The following RABGGTB variants were observed in gnomAD, a reference collection of about 807,000 sequenced individuals.
RABGGTB encodes the protein geranylgeranyl transferase type-2 subunit beta.
Under a neutral mutation model 44.5 loss-of-function variants are expected in RABGGTB, and 20 were observed. The ratio of observed to expected loss-of-function variants is 0.45; its 90% CI spans 0.32 to 0.65. The LOEUF (loss-of-function observed/expected upper bound fraction) is 0.65, where lower values mean the gene tolerates loss of function less well. Ranked by LOEUF, RABGGTB falls within the 30% of genes least tolerant of loss-of-function variation. RABGGTB has a pLI of 0.05. For missense variants in RABGGTB, 302 were observed against 398.7 expected (o/e 0.76, Z 2.06); for synonymous variants, 128 against 136.7 (o/e 0.94, Z 0.44).
chr1:75,793,965 A>C, intron 7 of RABGGTB, 119 bp from the exon 8 acceptor site: 2 of 1,066,586 alleles, frequency 1.9e-6, no homozygotes, highest in Non-Finnish European at 2.6e-6. Flanking sequence ...GTCCTTCCAC[A>C]TGGTTTGACA....
chr1:75,787,112 A>T (rs772125704), intron 1 of RABGGTB: 1 of 533,684 alleles, frequency 1.9e-6, no homozygotes, highest in Non-Finnish European at 3.7e-6. Flanking sequence ...TCTAAAGTTG[A>T]TTATTACTAC....
intron 1 of RABGGTB, chr1:75,787,177 G>A: frequency 1.7e-6 from 1 of 582,018 alleles, no homozygotes; most frequent in South Asian, 1.4e-5. Flanking sequence ...TGACTAAGAC[G>A]AAGCCTGAAT....
At chr1:75,793,858 A>G (rs368328140) in intron 7 of RABGGTB, 4 of 423,368 alleles carry the variant, frequency 9.4e-6, no homozygotes, top group East Asian at 7.2e-5. Flanking sequence ...ATGGTTACCT[A>G]TGAATTGAAG....
At chr1:75,790,257 G>A (rs1202020128) in intron 4 of RABGGTB, 200 bp downstream of exon 4, 2 of 1,256,756 alleles carry the variant, frequency 1.6e-6, no homozygotes, top group African/African-American at 3.1e-5. Context: ...AACAGAGGGG[G>A]CCAGTCTAAA....
chr1:75,794,295 C>T, intron 8 of RABGGTB, 62 bp downstream of exon 8: 1 of 1,518,858 alleles, frequency 6.6e-7, no homozygotes, highest in South Asian at 1.3e-5. Flanking sequence ...CTTCATGGTT[C>T]CATGGATTTC....
chr1:75,786,983 G>C, intron 1 of RABGGTB: 1 of 445,830 alleles, frequency 2.2e-6, no homozygotes, highest in Non-Finnish European at 4.4e-6. Flanking sequence ...GTCCTGAAAT[G>C]ATAAGCTTTG....
chr1:75,794,367 A>G (rs1468888565), intron 8 of RABGGTB, 134 bp downstream of exon 8: 2 of 1,306,130 alleles, frequency 1.5e-6, no homozygotes, highest in Non-Finnish European at 2.1e-6. Flanking sequence ...TGTAGAGTGT[A>G]TGAAGGATAT....
At chr1:75,792,123 T>C in intron 6 of RABGGTB, 58 bp from the exon 7 acceptor site, 2 of 1,453,082 alleles carry the variant, frequency 1.4e-6, no homozygotes, top group Non-Finnish European at 1.9e-6. Context: ...ATTTGAGTTT[T>C]ATCACTTTTA....
intron 4 of RABGGTB, chr1:75,790,474 C>T (rs1191852331): frequency 9.5e-7 from 1 of 1,047,210 alleles, no homozygotes; most frequent in African/African-American, 1.7e-5. Context: ...CCAGAGAGAC[C>T]AGCTGCTTCA....
At position 75,794,545 on chromosome 1, in the gene RABGGTB, A is replaced by G; in HGVS notation, c.891A>G (p.Gly297=). The part of the protein sequence containing the change: ...DPFHTLFGIA[G]LSLLGEEQIK... ...TTCATACCTTATTTGGAATTGCTGGATTGTCACTTTTGGGAGAAGAACAGA... is the reference window on the plus strand; with the variant it reads ...TTCATACCTTATTTGGAATTGCTGGGTTGTCACTTTTGGGAGAAGAACAGA... Residue 297 remains glycine (G), a synonymous_variant, in exon 9 of 9, where the codon GGA becomes GGG. Coordinates refer to ENST00000319942, the MANE Select transcript of RABGGTB (RefSeq NM_004582.4). 1 of 1,612,894 alleles carries G rather than the reference A, an allele frequency of 6.2e-7. No individual in the cohort carries two copies. The highest frequency in any genetic ancestry group is 1.1e-5 in the South Asian group (1 of 90,962).
At chr1:75,788,367 G>T (rs1451274672) in intron 2 of RABGGTB, 1 of 158,478 alleles carries the variant, frequency 6.3e-6, no homozygotes, top group African/African-American at 2.4e-5. Flanking sequence ...ACAGCGGTGC[G>T]ATCTGGGCTC....
intron 7 of RABGGTB, among the ~76,000 whole-genome samples, chr1:75,793,130 A>AT (rs1649687028): frequency 6.6e-6 from 1 of 150,886 alleles, no homozygotes. Context: ...TATTTAAATG[A>AT]TTTATAAATG....
At chr1:75,793,102 G>A (rs139236545) in intron 7 of RABGGTB, among the ~76,000 whole-genome samples, 4 of 152,222 alleles carry the variant, frequency 2.6e-5, no homozygotes, top group African/African-American at 7.2e-5. Flanking sequence ...GTGAGCCACC[G>A]TGCCTGACCC....
intron 4 of RABGGTB, among the ~76,000 whole-genome samples, chr1:75,790,796 A>G (rs561358924): frequency 6.6e-6 from 1 of 151,458 alleles, no homozygotes; most frequent in African/African-American, 2.4e-5. Flanking sequence ...CTCCTGCCTC[A>G]GCTTACAGAG....
Position 75,789,304 on chromosome 1 carries a change from G to A in RABGGTB, c.257G>A (p.Ser86Asn), listed in dbSNP as rs144452681. The change falls in exon 3 of 9, where the codon AGT (serine) becomes AAT (asparagine). Residue 86 changes from serine (S) to asparagine (N), a missense_variant. Ser to Asn is a conservative substitution (Grantham distance 46). Transcript: ENST00000319942. ...TGCCAACATGAATGTGGTGGAATAA[G>A]TGCTAGTATCGGACATGATCCTCAT... is the stretch of plus-strand genomic sequence containing the variant. ...KSCQHECGGI[S>N]ASIGHDPHLL... 5.0e-6 allele frequency: 8 copies of A among 1,614,024 alleles called. No individual in the cohort carries two copies. Among genetic ancestry groups the A allele is most frequent in the Non-Finnish European group, 6.8e-6 (8 of 1,180,016 alleles).
intron 2 of RABGGTB, chr1:75,788,713 T>C (rs973214589): frequency 6.3e-6 from 1 of 159,612 alleles, no homozygotes; most frequent in African/African-American, 2.4e-5. Context: ...ATCTTTGGCA[T>C]GTTTAGGGCA....
intron 4 of RABGGTB, 69 bp downstream of exon 4, chr1:75,790,126 A>C: frequency 1.9e-6 from 3 of 1,588,518 alleles, no homozygotes; most frequent in Non-Finnish European, 2.6e-6. Context: ...GCTAGTAACC[A>C]GTTTATAAGT....
chr1:75,790,470 A>T, intron 4 of RABGGTB: 2 of 1,050,646 alleles, frequency 1.9e-6, no homozygotes, highest in Non-Finnish European at 2.3e-6. Context: ...CAGGCCAGAG[A>T]GACCAGCTGC....
intron 1 of RABGGTB, chr1:75,786,945 G>T: frequency 2.7e-6 from 1 of 366,438 alleles, no homozygotes; most frequent in Non-Finnish European, 5.3e-6. Flanking sequence ...TTAAAAATAT[G>T]CTTTCTGCCA....
Sources: gnomAD v4.1 joint callset for allele counts (sites outside exome capture counted in the v4.1 genomes callset) on GRCh38, gnomAD v4.1.1 for gene constraint, MANE v1.5 for transcripts, NCBI Gene and HGNC (gene_info 2026-07-23, HGNC 2026-07-21) for gene names.